Variants in NOX4 observed in about 807,000 individuals in gnomAD.
NOX4 encodes NADPH oxidase 4.
Under a neutral mutation model 87.6 loss-of-function variants are expected in NOX4, and 69 were observed. The ratio of observed to expected loss-of-function variants is 0.79; its 90% CI spans 0.65 to 0.96. The LOEUF (loss-of-function observed/expected upper bound fraction) is 0.96. NOX4 is among the 40% of genes least tolerant of loss of function. NOX4 has a pLI of 0.00. For synonymous variants in NOX4, 275 were observed against 238.2 expected (o/e 1.15, Z -1.42); for missense variants, 680 against 681.5 (o/e 1.00, Z 0.02).
At chr11:89,541,582 T>C in the NOX4 span, among the ~76,000 whole-genome samples, 1 of 152,216 alleles carries the variant, frequency 6.6e-6, no homozygotes, top group Non-Finnish European at 1.5e-5. Context: ...TAGTTGATGC[T>C]GAATGCAGAC....
intron 11 of NOX4, among the ~76,000 whole-genome samples, chr11:89,396,632 A>T (rs1374528164): frequency 6.6e-6 from 1 of 152,124 alleles, no homozygotes; most frequent in Non-Finnish European, 1.5e-5. Flanking sequence ...AGATCTACCA[A>T]GCAAATGGAA....
chr11:89,498,499 G>A (rs762030583), upstream of NOX4, among the ~76,000 whole-genome samples: 1 of 152,114 alleles, frequency 6.6e-6, no homozygotes, highest in Non-Finnish European at 1.5e-5. Context: ...TTGCGTTAAT[G>A]CTTCACATCC....
At chr11:89,510,525 C>T in the NOX4 span, among the ~76,000 whole-genome samples, 2,266 of 152,080 alleles carry the variant, frequency 0.015, 46 homozygotes, top group African/African-American at 0.047. Context: ...GAAACTCTTG[C>T]AAAAGAATGT....
chr11:89,433,685 C>A lies in NOX4; in HGVS notation c.476-829G>T, dbSNP rs1254194632. Among the ~76,000 whole-genome samples, 3 of 152,046 alleles carry A rather than the reference C, an allele frequency of 2.0e-5. No individual in the cohort carries two copies. In the East Asian group the frequency reaches 5.8e-4, roughly 29 times the overall value. On this transcript the variant is annotated intron_variant, in intron 6 of 17. Coordinates refer to ENST00000263317, the MANE Select transcript of NOX4 (RefSeq NM_016931.5). ...CTACAATGTTGATGTTTTAAAAATA[C>A]TTGCAGACATATTTCTCCTTAGTAT...
chr11:89,330,071 T>C (rs559024687), intron 17 of NOX4, among the ~76,000 whole-genome samples: 2 of 152,216 alleles, frequency 1.3e-5, no homozygotes, highest in South Asian at 4.1e-4. Context: ...AACATATGTA[T>C]ATGTAAGATG....
rs1403881864 is a variant in NOX4 at position 89,324,875 on chromosome 11, G to C, written c.*1881C>G. 6.6e-6 allele frequency: 1 copy of C among 151,994 alleles called. No homozygotes were observed. The highest frequency in any genetic ancestry group is 1.5e-5 in the Non-Finnish European group (1 of 67,996). The allele number at this position is 151,994 out of a possible 1,614,324, so 9.4% of individuals were successfully genotyped here. A position where few individuals can be genotyped will look rare whatever the true frequency, so the allele number is the denominator to read the frequency against. ...GTTCATCTTCTTTCCATAGAAAGGAGAATTTCAAGGAAAGGAAGAAATATC... is the reference window on the plus strand; with the variant it reads ...GTTCATCTTCTTTCCATAGAAAGGACAATTTCAAGGAAAGGAAGAAATATC... On this transcript the variant is annotated 3_prime_UTR_variant, in exon 18 of 18. Coordinates refer to ENST00000263317, the MANE Select transcript of NOX4 (RefSeq NM_016931.5).
At chr11:89,540,426 G>A in the NOX4 span, among the ~76,000 whole-genome samples, 1 of 123,498 alleles carries the variant, frequency 8.1e-6, no homozygotes, top group African/African-American at 3.5e-5. Context: ...GTGTTCAAAA[G>A]CCATTTTTTT....
chr11:89,575,777 C>T, the NOX4 span, among the ~76,000 whole-genome samples: 1 of 150,862 alleles, frequency 6.6e-6, no homozygotes, highest in African/African-American at 2.4e-5. Context: ...ACTTCATTTC[C>T]TTCTCTTCCT....
At chr11:89,526,748 C>T in the NOX4 span, among the ~76,000 whole-genome samples, 6 of 152,130 alleles carry the variant, frequency 3.9e-5, no homozygotes, top group African/African-American at 1.2e-4. Context: ...TTTCCTGAGG[C>T]CTCCCGAGCC....
At chr11:89,448,087 C>A (rs111989028) in intron 4 of NOX4, among the ~76,000 whole-genome samples, 120 of 152,260 alleles carry the variant, frequency 7.9e-4, no homozygotes, top group African/African-American at 2.2e-3. Context: ...AGGTGCTATG[C>A]CACTGGAATA....
chr11:89,394,188 G>A (rs1208143363), intron 11 of NOX4, among the ~76,000 whole-genome samples: 2 of 152,230 alleles, frequency 1.3e-5, no homozygotes, highest in South Asian at 4.1e-4. Context: ...TCTTCAGTGT[G>A]AACATAGGTG....
At chr11:89,579,266 G>T in the NOX4 span, among the ~76,000 whole-genome samples, 1 of 152,144 alleles carries the variant, frequency 6.6e-6, no homozygotes, top group Admixed American at 6.5e-5. Context: ...CTCATAGAAT[G>T]CACAACACCA....
At position 89,409,490 on chromosome 11, in the gene NOX4, A is replaced by G. The variant is rs79163960; in HGVS notation, c.630-6948T>C. Among the ~76,000 whole-genome samples the G allele has an allele frequency of 8.1e-3, 1,235 of 152,340 alleles. 19 individuals carry two copies. Among genetic ancestry groups the G allele is most frequent in the African/African-American group, 0.027 (1,129 of 41,590 alleles). ...CTGTATATACTATATGTATATAAGC[A>G]GACATATATACATACAAGCTATAGA... is the stretch of plus-strand genomic sequence containing the variant. On this transcript the variant is annotated intron_variant, in intron 8 of 17. Coordinates refer to ENST00000263317, the MANE Select transcript of NOX4 (RefSeq NM_016931.5).
the NOX4 span, among the ~76,000 whole-genome samples, chr11:89,571,199 T>C: frequency 1.3e-5 from 2 of 152,238 alleles, no homozygotes; most frequent in Non-Finnish European, 1.5e-5. Flanking sequence ...ATTGGATATT[T>C]TCCCACTTTA....
At chr11:89,474,150 G>T (rs149205392) in intron 2 of NOX4, among the ~76,000 whole-genome samples, 115 of 152,040 alleles carry the variant, frequency 7.6e-4, no homozygotes, top group African/African-American at 2.7e-3. Flanking sequence ...TTACTTTTGC[G>T]CCAACCTATT....
chr11:89,539,154 C>T, the NOX4 span, among the ~76,000 whole-genome samples: 1 of 152,136 alleles, frequency 6.6e-6, no homozygotes, highest in East Asian at 1.9e-4. Context: ...AATTTTTGGG[C>T]AGGATGCGGT....
At chr11:89,530,032 A>G in the NOX4 span, among the ~76,000 whole-genome samples, 1 of 152,176 alleles carries the variant, frequency 6.6e-6, no homozygotes, top group Non-Finnish European at 1.5e-5. Context: ...GCTACCTTAC[A>G]TATTTTATTG....
At chr11:89,436,711 T>C (rs1413219485) in intron 6 of NOX4, among the ~76,000 whole-genome samples, 1 of 152,134 alleles carries the variant, frequency 6.6e-6, no homozygotes, top group East Asian at 1.9e-4. Context: ...AACATAATTA[T>C]ATTTGTTTCT....
In NOX4 at chr11:89,337,652, C is replaced by T. The variant is rs1198756997; in HGVS notation, c.1447-137G>A. ...GTCAATATCTATAAGAAAATGAATA[C>T]ACACACACATACATACACAGAAATA... On this transcript the variant is annotated intron_variant, in intron 15 of 17. Transcript: ENST00000263317. The T allele has an allele frequency of 5.1e-6, 6 of 1,165,888 alleles. No individual in the cohort carries two copies. In the East Asian group the frequency reaches 1.1e-4, roughly 21 times the overall value. The allele number at this position is 1,165,888 out of a possible 1,614,324, so 72.2% of individuals were successfully genotyped here.
Sources: allele counts gnomAD v4.1 joint callset (sites outside exome capture counted in the v4.1 genomes callset), GRCh38; gene constraint gnomAD v4.1.1; transcripts MANE v1.5; gene names NCBI Gene and HGNC (gene_info 2026-07-23, HGNC 2026-07-21).